STOX2: variants seen among roughly 807,000 people sequenced by gnomAD.
The protein encoded by STOX2 is storkhead-box protein 2.
In STOX2, 28 loss-of-function variants were observed where a neutral mutation model predicts 60.9. The ratio of observed to expected loss-of-function variants is 0.46; its 90% CI spans 0.34 to 0.63. The LOEUF (loss-of-function observed/expected upper bound fraction) is 0.63. Ranked by LOEUF, STOX2 falls within the 30% of genes least tolerant of loss-of-function variation. The probability of loss-of-function intolerance (pLI) is 0.01; values close to 1 mark genes in which losing one functional copy is unlikely to be tolerated. For synonymous variants in STOX2, 472 were observed against 463.9 expected (o/e 1.02, Z -0.22); for missense variants, 1,024 against 1,187.7 (o/e 0.86, Z 2.03).
chr4:184,000,044 C>G (rs1158880479), intron 1 of STOX2, among the ~76,000 whole-genome samples: 5 of 152,208 alleles, frequency 3.3e-5, no homozygotes, highest in Admixed American at 6.5e-5. Flanking sequence ...CTTCTATGTT[C>G]TACTGTGTTG....
At chr4:183,995,289 G>GTTTT (rs1467692938) in intron 1 of STOX2, among the ~76,000 whole-genome samples, 10 of 75,976 alleles carry the variant, frequency 1.3e-4, no homozygotes, top group African/African-American at 1.8e-4. Flanking sequence ...CTTTATTTTA[G>GTTTT]TCTTTTTTTT....
chr4:183,913,708 T>C (rs1404181433), intron 1 of STOX2, among the ~76,000 whole-genome samples: 4 of 151,800 alleles, frequency 2.6e-5, no homozygotes, highest in South Asian at 4.2e-4. Flanking sequence ...GAGGTGGAGG[T>C]TGCAGTGAGC....
chr4:183,975,464 A>T (rs867801121), intron 1 of STOX2, among the ~76,000 whole-genome samples: 5 of 152,180 alleles, frequency 3.3e-5, no homozygotes, highest in Non-Finnish European at 7.4e-5. Context: ...ATATGACATA[A>T]ATTACCATTG....
chr4:183,949,366 C>T (rs976033423), intron 1 of STOX2, among the ~76,000 whole-genome samples: 8 of 152,078 alleles, frequency 5.3e-5, no homozygotes, highest in African/African-American at 1.9e-4. Context: ...AAGAAACTGC[C>T]CTTAAAATAG....
intron 1 of STOX2, among the ~76,000 whole-genome samples, chr4:183,892,327 G>A (rs1356722629): frequency 6.6e-6 from 1 of 152,224 alleles, no homozygotes; most frequent in Non-Finnish European, 1.5e-5. Context: ...CGCCCAGGCT[G>A]GAGTGCAGTG....
At chr4:183,835,348 C>T (rs1448524253) in intron 1 of STOX2, among the ~76,000 whole-genome samples, 2 of 151,700 alleles carry the variant, frequency 1.3e-5, no homozygotes, top group African/African-American at 2.4e-5. Context: ...CTCAGCTTCC[C>T]GAGTAGCTGG....
intron 1 of STOX2, among the ~76,000 whole-genome samples, chr4:183,932,675 G>C (rs183370721): frequency 6.6e-6 from 1 of 152,202 alleles, no homozygotes; most frequent in African/African-American, 2.4e-5. Flanking sequence ...ACTCACTTAA[G>C]GGCTCATGTC....
intron 3 of STOX2, among the ~76,000 whole-genome samples, chr4:184,013,596 G>A (rs531309944): frequency 5.3e-5 from 8 of 152,116 alleles, no homozygotes; most frequent in Non-Finnish European, 7.3e-5. Flanking sequence ...ACTACCCTTC[G>A]ATTAGAAGCT....
intron 1 of STOX2, among the ~76,000 whole-genome samples, chr4:183,994,233 CAT>C (rs1733236386): frequency 6.6e-6 from 1 of 152,092 alleles, no homozygotes; most frequent in African/African-American, 2.4e-5. Flanking sequence ...ATTTTATAGA[CAT>C]GTTTGACTAT....
rs546520410 is a variant in STOX2, at chr4:183,897,066, C to G, written c.364+99011C>G. 1.5e-4 allele frequency among the ~76,000 whole-genome samples: 23 copies of G among 152,120 alleles called. 1 individual carries two copies. Among genetic ancestry groups the G allele is most frequent in the Admixed American group, 8.5e-4 (13 of 15,270 alleles). Reference sequence around the variant, plus strand: ...GCTTGGCAGTGGAAGCAAGCGTTACCCACTGCGGTTTCCCTGGGGCAAGCC... The same window carrying G: ...GCTTGGCAGTGGAAGCAAGCGTTACGCACTGCGGTTTCCCTGGGGCAAGCC... On this transcript the variant is annotated intron_variant, in intron 1 of 2. Coordinates refer to the STOX2 transcript ENST00000513034.
chr4:183,799,110 T>C (rs1406928747), intron 1 of STOX2, among the ~76,000 whole-genome samples: 1 of 152,250 alleles, frequency 6.6e-6, no homozygotes, highest in African/African-American at 2.4e-5. Flanking sequence ...TGTTACCTGC[T>C]GATGTGACGC....
At chr4:183,886,584 C>T (rs1007427854) in intron 1 of STOX2, among the ~76,000 whole-genome samples, 2 of 152,194 alleles carry the variant, frequency 1.3e-5, no homozygotes, top group Admixed American at 6.5e-5. Flanking sequence ...CACTCTGTTC[C>T]AGCACCGTCC....
intron 1 of STOX2, among the ~76,000 whole-genome samples, chr4:183,896,206 C>T (rs1205866701): frequency 6.6e-6 from 1 of 152,096 alleles, no homozygotes; most frequent in East Asian, 1.9e-4. Context: ...GTAGAAAGTA[C>T]CAAATAAATG....
In STOX2 at chr4:184,011,571, C is replaced by T. The variant is rs777880929; in HGVS notation, c.2585+148C>T. 26 of 1,544,874 alleles carry T rather than the reference C, an allele frequency of 1.7e-5. 1 individual carries two copies. Among genetic ancestry groups the T allele is most frequent in the Non-Finnish European group, 1.7e-5 (19 of 1,148,644 alleles). On this transcript the variant is annotated intron_variant, in intron 3 of 3. Transcript: ENST00000308497. The surrounding 1 kb of genome is among the most constrained non-coding windows in gnomAD (Gnocchi z 4.4). ...GAGTTGTATTGTTAACAATCTGTTTCTGACTTCTTTTTCAGGAATTGAAAA... is the reference window on the plus strand; with the variant it reads ...GAGTTGTATTGTTAACAATCTGTTTTTGACTTCTTTTTCAGGAATTGAAAA...
intron 1 of STOX2, among the ~76,000 whole-genome samples, chr4:183,957,148 TATAATA>T (rs57935070): frequency 0.29 from 40,860 of 142,610 alleles, 6,338 homozygotes; most frequent in South Asian, 0.38. Flanking sequence ...AAACTTAAAG[TATAATA>T]ATAATAATAA....
Position 184,010,377 on chromosome 4 carries a change from T to G in STOX2, c.1539T>G (p.Ala513=). The G allele has an allele frequency of 6.2e-7, 1 of 1,613,186 alleles. No homozygotes were observed. Among genetic ancestry groups the G allele is most frequent in the Non-Finnish European group, 8.5e-7 (1 of 1,179,560 alleles). ...ASSLGTPEDL[A]EGCSQDDQTP... ...CTCTAGGGACGCCGGAAGACCTTGC[T>G]GAAGGCTGCAGCCAAGACGACCAGA... Residue 513 remains alanine, a synonymous_variant, in exon 3 of 4, where the codon GCT becomes GCG. Transcript: ENST00000308497. The surrounding 1 kb of genome is among the most constrained non-coding windows in gnomAD (Gnocchi z 4.5).
intron 1 of STOX2, among the ~76,000 whole-genome samples, chr4:183,957,845 C>A (rs1314711807): frequency 6.6e-6 from 1 of 150,672 alleles, no homozygotes; most frequent in East Asian, 1.9e-4. Context: ...GAATAAGGCA[C>A]CCTGGTTTCT....
intron 1 of STOX2, among the ~76,000 whole-genome samples, chr4:183,974,859 A>G (rs1317404395): frequency 6.6e-6 from 1 of 152,212 alleles, no homozygotes; most frequent in Non-Finnish European, 1.5e-5. Context: ...ATTGACATTT[A>G]TAAAGTGTTC....
chr4:183,880,453 G>A (rs1740933845), intron 1 of STOX2, among the ~76,000 whole-genome samples: 1 of 152,172 alleles, frequency 6.6e-6, no homozygotes, highest in Admixed American at 6.5e-5. Flanking sequence ...TTTTCATGGA[G>A]GAGAAAAACT....
Sources: allele counts gnomAD v4.1 joint callset (sites outside exome capture counted in the v4.1 genomes callset), GRCh38; gene constraint gnomAD v4.1.1; non-coding constraint Gnocchi (gnomAD v3.1); transcripts MANE v1.5; gene names NCBI Gene and HGNC (gene_info 2026-07-23, HGNC 2026-07-21).